Variants in ENPP2 observed in about 807,000 individuals in gnomAD.
The protein encoded by ENPP2 is autotaxin.
Under a neutral mutation model 120.2 loss-of-function variants are expected in ENPP2, and 51 were observed. The observed-to-expected ratio is 0.42, with a 90% confidence interval of 0.34 to 0.54. The LOEUF is 0.54. Ranked by LOEUF, ENPP2 falls within the 20% of genes least tolerant of loss-of-function variation. The pLI is 0.04. For missense variants in ENPP2, 920 were observed against 1,066.5 expected (o/e 0.86, Z 1.91); for synonymous variants, 365 against 366.4 (o/e 1.00, Z 0.04).
At chr8:119,589,118 A>T (rs1415206940) in intron 13 of ENPP2, among the ~76,000 whole-genome samples, 1 of 152,234 alleles carries the variant, frequency 6.6e-6, no homozygotes, top group Non-Finnish European at 1.5e-5. Flanking sequence ...TGACTAAGAC[A>T]TCATCATCAT....
chr8:119,569,356 G>A lies in ENPP2; in HGVS notation c.1932C>T (p.Ser644=), dbSNP rs566612458. The A allele has an allele frequency of 4.8e-5, 78 of 1,613,896 alleles. No homozygotes were observed. The South Asian group carries it at 7.4e-4, about 15-fold the overall frequency. ...CGCAACTGGTCAGATGGTCAGGAAC[G>A]CTGGAAACCTCAGCCTGCACGGGAG... ...YTVSKQAEVS[S]VPDHLTSCVR... The change falls in exon 21 of 25, where the codon AGC becomes AGT. Residue 644 remains serine, a synonymous_variant. Coordinates refer to ENST00000075322, the MANE Select transcript of ENPP2 (RefSeq NM_001040092.3).
chr8:119,573,408 T>TAAAAAAAAAAAAAAAAAAAA (rs35227070), intron 19 of ENPP2, among the ~76,000 whole-genome samples: 2 of 124,384 alleles, frequency 1.6e-5, no homozygotes, highest in African/African-American at 3.4e-5. Flanking sequence ...CTCCGTCTCT[T>TAAAAAAAAAAAAAAAAAAAA]AAAAAAAAAA....
chr8:119,668,325 T>C (rs1818134540), intron 1 of ENPP2, among the ~76,000 whole-genome samples: 2 of 152,116 alleles, frequency 1.3e-5, no homozygotes, highest in Admixed American at 1.3e-4. Context: ...CACCCAGAAC[T>C]AGATACAATT....
At chr8:119,567,497 C>G (rs980369204) in intron 22 of ENPP2, among the ~76,000 whole-genome samples, 1 of 152,134 alleles carries the variant, frequency 6.6e-6, no homozygotes, top group African/African-American at 2.4e-5. Context: ...TGCCCGAGCT[C>G]ATTGTGCCTA....
intron 23 of ENPP2, among the ~76,000 whole-genome samples, chr8:119,564,539 G>A (rs1046444311): frequency 6.6e-6 from 1 of 151,964 alleles, no homozygotes; most frequent in Non-Finnish European, 1.5e-5. Flanking sequence ...TTAGCTGGAT[G>A]TGGTGGTGCA....
At chr8:119,569,498 T>A in intron 20 of ENPP2, 128 bp from the exon 21 acceptor site, 1 of 791,100 alleles carries the variant, frequency 1.3e-6, no homozygotes, top group Non-Finnish European at 1.9e-6. Flanking sequence ...AAATTTTTTA[T>A]CTTTGATAGT....
At chr8:119,619,389 T>G (rs1166931141) in intron 4 of ENPP2, 85 bp from the exon 5 acceptor site, 2 of 905,790 alleles carry the variant, frequency 2.2e-6, no homozygotes, top group Non-Finnish European at 3.5e-6. Flanking sequence ...ATCTGTGTCC[T>G]GTTTGATACT....
intron 1 of ENPP2, among the ~76,000 whole-genome samples, chr8:119,659,620 T>G (rs1460066111): frequency 6.6e-6 from 1 of 152,162 alleles, no homozygotes; most frequent in African/African-American, 2.4e-5. Flanking sequence ...GGGAACAACT[T>G]TATCTCCTAA....
chr8:119,603,715 T>C (rs1220265653), intron 9 of ENPP2, among the ~76,000 whole-genome samples: 2 of 152,200 alleles, frequency 1.3e-5, no homozygotes, highest in Admixed American at 6.5e-5. Context: ...ACTAAATGTA[T>C]AGGTCTGCAG....
At chr8:119,637,387 T>C (rs1237520994) in intron 2 of ENPP2, among the ~76,000 whole-genome samples, 1 of 152,186 alleles carries the variant, frequency 6.6e-6, no homozygotes, top group Non-Finnish European at 1.5e-5. Flanking sequence ...CTTCTAATAT[T>C]ATTCTTTCAA....
chr8:119,606,607 A>T (rs1390051333), intron 9 of ENPP2, among the ~76,000 whole-genome samples: 3 of 140,420 alleles, frequency 2.1e-5, no homozygotes, highest in Admixed American at 1.4e-4. Context: ...AAACCTCTTT[A>T]AAAAAAAAAA....
At chr8:119,627,628 G>A (rs978584922) in intron 2 of ENPP2, among the ~76,000 whole-genome samples, 5 of 152,024 alleles carry the variant, frequency 3.3e-5, no homozygotes, top group South Asian at 2.1e-4. Context: ...TTGGGAGGCC[G>A]AGGTCGGTGG....
intron 1 of ENPP2, among the ~76,000 whole-genome samples, chr8:119,659,736 G>A (rs956659767): frequency 1.3e-5 from 2 of 152,144 alleles, no homozygotes; most frequent in African/African-American, 4.8e-5. Flanking sequence ...GAAGAATATT[G>A]GTGAAAAAAC....
chr8:119,580,011 T>C (rs1486619777), intron 19 of ENPP2, 105 bp downstream of exon 19: 2 of 815,942 alleles, frequency 2.5e-6, no homozygotes, highest in Non-Finnish European at 4.2e-6. Context: ...ATACAAATTC[T>C]AATTTTAAAC....
At chr8:119,618,737 G>C (rs1262804335) in intron 5 of ENPP2, among the ~76,000 whole-genome samples, 2 of 151,464 alleles carry the variant, frequency 1.3e-5, no homozygotes, top group African/African-American at 4.9e-5. Flanking sequence ...GTGTCACCAT[G>C]TTGGCCAGGC....
intron 1 of ENPP2, among the ~76,000 whole-genome samples, chr8:119,664,221 A>G (rs1449645983): frequency 6.6e-6 from 1 of 152,216 alleles, no homozygotes; most frequent in Non-Finnish European, 1.5e-5. Context: ...AAGGAAGATG[A>G]TATTTGACAT....
chr8:119,594,050 A>AC (rs1813722416), intron 11 of ENPP2, among the ~76,000 whole-genome samples, 190 bp from the exon 12 acceptor site: 3 of 152,168 alleles, frequency 2.0e-5, no homozygotes, highest in Admixed American at 1.3e-4. Context: ...TATTCTTTTG[A>AC]CAGAATTAAA....
intron 22 of ENPP2, among the ~76,000 whole-genome samples, chr8:119,567,166 G>T (rs372011683): frequency 1.3e-5 from 2 of 152,052 alleles, no homozygotes; most frequent in Admixed American, 1.3e-4. Context: ...TTCCCATAAC[G>T]ATTTAAGTTC....
chr8:119,657,493 G>A (rs1390979811), intron 1 of ENPP2, among the ~76,000 whole-genome samples: 1 of 152,194 alleles, frequency 6.6e-6, no homozygotes. Context: ...GTTGAACTTT[G>A]TATGTCGAAG....
Sources: allele counts gnomAD v4.1 joint callset (sites outside exome capture counted in the v4.1 genomes callset), GRCh38; gene constraint gnomAD v4.1.1; transcripts MANE v1.5; gene names NCBI Gene and HGNC (gene_info 2026-07-23, HGNC 2026-07-21).